The following ZBTB20 variants were observed in gnomAD, a reference collection of about 807,000 sequenced individuals.
ZBTB20 encodes the protein zinc finger and BTB domain containing 20, also known as zinc finger and BTB domain-containing protein 20.
A neutral mutation model predicts 56.9 loss-of-function variants in ZBTB20; 9 were observed. The observed-to-expected ratio is 0.16, with a 90% CI of 0.10 to 0.28. The LOEUF (loss-of-function observed/expected upper bound fraction) is 0.28, where lower values mean the gene tolerates loss of function less well. Among genes scored for constraint, ZBTB20 ranks in the 10% least tolerant of loss-of-function variants. The pLI is 1.00. For synonymous variants in ZBTB20, 417 were observed against 420.7 expected (o/e 0.99, Z 0.11); for missense variants, 655 against 1,003.0 (o/e 0.65, Z 4.69).
At chr3:114,443,138 G>C (rs775551038) in intron 7 of ZBTB20, among the ~76,000 whole-genome samples, 1 of 152,030 alleles carries the variant, frequency 6.6e-6, no homozygotes, top group Non-Finnish European at 1.5e-5. Context: ...AAAATCTAAG[G>C]ACATTCAACA....
chr3:114,515,443 C>T (rs1301936534), intron 6 of ZBTB20, among the ~76,000 whole-genome samples: 1 of 152,164 alleles, frequency 6.6e-6, no homozygotes, highest in African/African-American at 2.4e-5. Flanking sequence ...GGAGAAAAAG[C>T]ACAAAACTGT....
intron 7 of ZBTB20, among the ~76,000 whole-genome samples, chr3:114,395,862 A>C (rs760409388): frequency 6.6e-6 from 1 of 152,188 alleles, no homozygotes; most frequent in Non-Finnish European, 1.5e-5. Flanking sequence ...TTTTCTCCAT[A>C]GAGACCTCTT....
chr3:114,744,290 T>C (rs2066862187), intron 5 of ZBTB20, among the ~76,000 whole-genome samples: 1 of 152,152 alleles, frequency 6.6e-6, no homozygotes, highest in Admixed American at 6.5e-5. Context: ...CAGACAGTAT[T>C]CCTCTTCCTC....
intron 6 of ZBTB20, among the ~76,000 whole-genome samples, chr3:114,504,791 A>T (rs1200685060): frequency 2.6e-5 from 4 of 152,194 alleles, no homozygotes; most frequent in Non-Finnish European, 4.4e-5. Flanking sequence ...GCAGTGTATC[A>T]TTTAATCCCC....
chr3:115,014,967 G>C (rs74355973), intron 2 of ZBTB20, among the ~76,000 whole-genome samples: 3 of 151,658 alleles, frequency 2.0e-5, no homozygotes, highest in Non-Finnish European at 4.4e-5. Context: ...AAGCTATTTC[G>C]CTGAAAACCT....
intron 1 of ZBTB20, among the ~76,000 whole-genome samples, chr3:115,138,489 A>G (rs2084715374): frequency 6.6e-6 from 1 of 152,072 alleles, no homozygotes; most frequent in Admixed American, 6.6e-5. Context: ...TTTCTGAAAT[A>G]AAATTGCCAT....
intron 7 of ZBTB20, among the ~76,000 whole-genome samples, chr3:114,481,423 T>C (rs1475682153): frequency 6.6e-6 from 1 of 152,196 alleles, no homozygotes; most frequent in African/African-American, 2.4e-5. Flanking sequence ...ATAAGGAGTG[T>C]ACAAGCTTCT....
In ZBTB20 at chr3:114,350,701, C is replaced by T. The variant is rs1294557189; in HGVS notation, c.1377G>A (p.Gln459=). The change falls in exon 11 of 12, where the codon CAG becomes CAA. Residue 459 remains glutamine, a synonymous_variant. Transcript: ENST00000675478. The part of the protein sequence containing the change: ...SNSSDKSVLQ[Q]PSVNTSIGQP... ...GCCCGATGGACGTGTTGACCGAAGG[C>T]TGTTGTAGGACGCTCTTGTCGGAGC... 1.9e-6 allele frequency: 3 copies of T among 1,614,208 alleles called. No homozygotes were observed. The East Asian group carries it at 6.7e-5, about 36-fold the overall frequency.
intron 6 of ZBTB20, among the ~76,000 whole-genome samples, chr3:114,572,105 C>T (rs1559976663): frequency 1.3e-5 from 2 of 151,498 alleles, no homozygotes; most frequent in Non-Finnish European, 3.0e-5. Flanking sequence ...TCTCATCTTT[C>T]AGATGAGAAA....
At chr3:115,043,654 G>A (rs2081233460) in intron 2 of ZBTB20, among the ~76,000 whole-genome samples, 1 of 149,834 alleles carries the variant, frequency 6.7e-6, no homozygotes, top group Non-Finnish European at 1.5e-5. Context: ...AAAAGTAGTT[G>A]AAACCAGAAA....
intron 6 of ZBTB20, among the ~76,000 whole-genome samples, chr3:114,569,792 GA>G (rs745965434): frequency 5.9e-5 from 9 of 151,440 alleles, no homozygotes; most frequent in Non-Finnish European, 1.3e-4. Context: ...ATGAAACACA[GA>G]GTCGATCACT....
intron 5 of ZBTB20, among the ~76,000 whole-genome samples, chr3:114,718,302 GT>G (rs1218789088): frequency 6.6e-6 from 1 of 152,090 alleles, no homozygotes; most frequent in Non-Finnish European, 1.5e-5. Context: ...ACCTGAATAT[GT>G]TTTCTGTGTT....
chr3:114,983,362 T>G (rs2078406936), intron 2 of ZBTB20, among the ~76,000 whole-genome samples: 1 of 152,020 alleles, frequency 6.6e-6, no homozygotes, highest in Non-Finnish European at 1.5e-5. Flanking sequence ...CTCAAATTAA[T>G]TTTAACTCGA....
intron 5 of ZBTB20, among the ~76,000 whole-genome samples, chr3:114,777,495 T>C (rs1303328912): frequency 1.3e-5 from 2 of 151,854 alleles, no homozygotes; most frequent in African/African-American, 4.8e-5. Flanking sequence ...CATGAAAAAA[T>C]GCTCATCATC....
At chr3:114,663,914 A>G (rs1219075356) in intron 6 of ZBTB20, among the ~76,000 whole-genome samples, 3 of 151,564 alleles carry the variant, frequency 2.0e-5, no homozygotes, top group Non-Finnish European at 4.4e-5. Flanking sequence ...CTACAAAGAG[A>G]CTTAGACTCC....
chr3:114,507,853 T>C (rs970936785), intron 6 of ZBTB20, among the ~76,000 whole-genome samples: 1 of 152,124 alleles, frequency 6.6e-6, no homozygotes. Flanking sequence ...GCAATACAGA[T>C]AGTTGATAAG....
At chr3:114,419,516 T>C (rs2088925520) in intron 7 of ZBTB20, among the ~76,000 whole-genome samples, 2 of 152,116 alleles carry the variant, frequency 1.3e-5, no homozygotes, top group South Asian at 4.1e-4. Flanking sequence ...TTTTCAAGTG[T>C]AGCACCCAGA....
chr3:114,633,168 A>G (rs1250860067), intron 6 of ZBTB20, among the ~76,000 whole-genome samples: 1 of 152,220 alleles, frequency 6.6e-6, no homozygotes, highest in Admixed American at 6.5e-5. Flanking sequence ...TAGTGATACC[A>G]AGAACTGATG....
intron 4 of ZBTB20, among the ~76,000 whole-genome samples, chr3:114,880,965 T>G (rs2076376149): frequency 1.3e-5 from 2 of 152,076 alleles, no homozygotes; most frequent in African/African-American, 2.4e-5. Flanking sequence ...TCCAAATAGT[T>G]TTACACTGAT....
Sources: allele counts gnomAD v4.1 joint callset (sites outside exome capture counted in the v4.1 genomes callset), GRCh38; gene constraint gnomAD v4.1.1; transcripts MANE v1.5; gene names NCBI Gene and HGNC (gene_info 2026-07-23, HGNC 2026-07-21).